Variants in MTRR observed in about 807,000 individuals in gnomAD.
MTRR encodes the protein 5-methyltetrahydrofolate-homocysteine methyltransferase reductase, also known as methionine synthase reductase.
In MTRR, 63 loss-of-function variants were observed where a neutral mutation model predicts 79.2. The ratio of observed to expected loss-of-function variants is 0.80; its 90% confidence interval spans 0.65 to 0.98. The LOEUF (loss-of-function observed/expected upper bound fraction) is 0.98, where lower values mean the gene tolerates loss of function less well. Ranked by LOEUF, MTRR falls within the 50% of genes least tolerant of loss-of-function variation. MTRR has a pLI of 0.00. For synonymous variants in MTRR, 355 were observed against 313.3 expected (o/e 1.13, Z -1.41); for missense variants, 895 against 839.6 (o/e 1.07, Z -0.82).
rs114977370 is a variant in MTRR at position 7,873,323 on chromosome 5, C to A, written c.130-50C>A. On this transcript the variant is annotated intron_variant, in intron 2 of 14. Coordinates refer to ENST00000440940, the MANE Select transcript of MTRR (RefSeq NM_002454.3). ...TGATTGCTTTGCTGCTGAGTTAAAT[C>A]AAAAATGCATGTAGTGTTAGGTCCC... 1.4e-3 allele frequency: 2,322 copies of A among 1,608,848 alleles called. 31 individuals are homozygous for A. The African/African-American group carries it at 0.027, about 19-fold the overall frequency.
At chr5:7,867,923 C>T, upstream of MTRR, 1 of 1,614,056 alleles carries the variant, frequency 6.2e-7, no homozygotes, top group Non-Finnish European at 8.5e-7. Flanking sequence ...GAATTTGACC[C>T]CGAAAGGCTC....
chr5:7,859,270 TACC>T (rs529220484), intron 1 of MTRR: 51 of 398,462 alleles, frequency 1.3e-4, no homozygotes, highest in East Asian at 6.7e-4. Flanking sequence ...TTTTAAATTT[TACC>T]ACAATAAATG....
chr5:7,861,525 C>T (rs162027), intron 1 of MTRR: 1,011,607 of 1,214,134 alleles, frequency 0.83, 422,552 homozygotes, highest in African/African-American at 0.9. Context: ...AAAAAGATAC[C>T]GCTGCTTATT....
chr5:7,892,978 A>G, intron 11 of MTRR, 65 bp downstream of exon 11: 1 of 1,517,096 alleles, frequency 6.6e-7, no homozygotes, highest in Admixed American at 1.9e-5. Context: ...TAGAAAAAAC[A>G]GTGTTGTCTC....
chr5:7,897,272 G>C, intron 14 of MTRR, 25 bp downstream of exon 14: 1 of 1,612,052 alleles, frequency 6.2e-7, no homozygotes, highest in Non-Finnish European at 8.5e-7. Flanking sequence ...TGCCTAAGTC[G>C]GGTAGGAGAG....
chr5:7,871,073 C>T, intron 2 of MTRR, 150 bp downstream of exon 2: 1 of 958,782 alleles, frequency 1.0e-6, no homozygotes, highest in Non-Finnish European at 1.6e-6. Flanking sequence ...AGTAAGATAT[C>T]ACCAGCATTT....
At chr5:7,856,274 T>G (rs1252706503) in intron 1 of MTRR, among the ~76,000 whole-genome samples, 1 of 152,182 alleles carries the variant, frequency 6.6e-6, no homozygotes, top group African/African-American at 2.4e-5. Context: ...AGACAACAGT[T>G]AGATGTTCCA....
rs1362754237 is a variant in MTRR, at chr5:7,900,756, C to G, written c.*698C>G. 1.3e-5 allele frequency: 2 copies of G among 152,650 alleles called. No homozygotes were observed. Among genetic ancestry groups the G allele is most frequent in the Non-Finnish European group, 2.9e-5 (2 of 68,108 alleles). 9.5% of individuals were successfully genotyped at this position (152,650 alleles called of 1,614,324 possible). ...TTCAGAATTTTGGGACATTTGCATT[C>G]AATTTACAGGTACCAGTACGTACAT... is the stretch of plus-strand genomic sequence containing the variant. On this transcript the variant is annotated 3_prime_UTR_variant, in exon 15 of 15. Coordinates refer to ENST00000440940, the MANE Select transcript of MTRR (RefSeq NM_002454.3).
chr5:7,877,314 CT>C (rs1341473527), intron 4 of MTRR, among the ~76,000 whole-genome samples: 1 of 152,086 alleles, frequency 6.6e-6, no homozygotes, highest in African/African-American at 2.4e-5. Flanking sequence ...ATGAATTCAA[CT>C]TTCCCAAAGG....
chr5:7,899,829 T>G (rs558405005), intron 14 of MTRR, 85 bp from the exon 15 acceptor site: 3 of 1,532,390 alleles, frequency 2.0e-6, no homozygotes, highest in East Asian at 2.3e-5. Context: ...GGTGGTACAG[T>G]CAAAAGGAAT....
At chr5:7,893,506 G>A (rs1326804492) in intron 11 of MTRR, 3 of 155,164 alleles carry the variant, frequency 1.9e-5, no homozygotes, top group Non-Finnish European at 4.3e-5. Flanking sequence ...TTTCTCAACA[G>A]ATTGTGGACA....
intron 5 of MTRR, 24 bp downstream of exon 5, chr5:7,878,346 A>G (rs758678930): frequency 1.9e-6 from 3 of 1,611,838 alleles, no homozygotes; most frequent in South Asian, 1.1e-5. Context: ...TCTTTATGCT[A>G]TAGATGCTAT....
rs149323908 is a variant in MTRR at position 7,873,555 on chromosome 5, A to G, written c.283+29A>G. 1.3e-4 allele frequency: 213 copies of G among 1,609,310 alleles called. No homozygotes were observed. The East Asian group carries it at 4.0e-3, about 30-fold the overall frequency. ...ATGGACTCTCTCTTCTGATCTTACT[A>G]TAGTATACTATTGATATCTCTGGTA... On this transcript the variant is annotated intron_variant, in intron 3 of 14. Transcript: ENST00000440940.
At chr5:7,854,606 TA>T (rs1201215570) in intron 1 of MTRR, among the ~76,000 whole-genome samples, 7 of 152,084 alleles carry the variant, frequency 4.6e-5, no homozygotes, top group Admixed American at 3.3e-4. Flanking sequence ...AAACCCCTGA[TA>T]AAACTATCAG....
upstream of MTRR, chr5:7,867,871 A>C: frequency 1.2e-6 from 2 of 1,614,220 alleles, no homozygotes; most frequent in Non-Finnish European, 1.7e-6. Flanking sequence ...GATGAAGGTC[A>C]TTTCCATTTT....
intron 8 of MTRR, among the ~76,000 whole-genome samples, chr5:7,887,812 A>G (rs1236788117): frequency 2.3e-5 from 1 of 43,380 alleles, no homozygotes; most frequent in Non-Finnish European, 4.1e-5. Flanking sequence ...ATATATATAT[A>G]TATATATATA....
chr5:7,896,279 A>G (rs1738500201), intron 12 of MTRR, among the ~76,000 whole-genome samples: 1 of 152,262 alleles, frequency 6.6e-6, no homozygotes, highest in Non-Finnish European at 1.5e-5. Flanking sequence ...GTTTAACTTC[A>G]TATCAGAACA....
At position 7,885,770 on chromosome 5, in the gene MTRR, C is replaced by A. The variant is rs138098668; in HGVS notation, c.973C>A (p.Gln325Lys). The change falls in exon 7 of 15, where the codon CAA (glutamine) becomes AAA (lysine). Residue 325 changes from glutamine (Q) to lysine (K), a missense_variant. Gln to Lys is a moderately conservative substitution (Grantham distance 53). Coordinates refer to ENST00000440940, the MANE Select transcript of MTRR (RefSeq NM_002454.3). ...VICPNSDSEVQSLLQRLQLED... is the reference protein window; with the variant it reads ...VICPNSDSEVKSLLQRLQLED... The stretch of plus-strand genomic sequence containing the variant: ...CTGCCCTAACAGTGATTCTGAGGTA[C>A]AAAGCCTACTCCAAAGACTGCAGCT... 55 of 1,613,610 alleles carry A rather than the reference C, an allele frequency of 3.4e-5. No individual in the cohort carries two copies. The East Asian group carries it at 6.9e-4, about 20-fold the overall frequency.
intron 2 of MTRR, chr5:7,872,227 C>G: frequency 2.2e-6 from 1 of 454,372 alleles, no homozygotes; most frequent in African/African-American, 2.0e-5. Flanking sequence ...CCTCTTTTAT[C>G]AGTGTGAAAA....
Sources: allele counts gnomAD v4.1 joint callset (sites outside exome capture counted in the v4.1 genomes callset), GRCh38; gene constraint gnomAD v4.1.1; transcripts MANE v1.5; gene names NCBI Gene and HGNC (gene_info 2026-07-23, HGNC 2026-07-21).